AKAP7: variants seen among roughly 807,000 people sequenced by gnomAD.
AKAP7 encodes the protein A-kinase anchoring protein 7.
In AKAP7, 39 loss-of-function variants were observed where a neutral mutation model predicts 39.5. The observed-to-expected ratio is 0.99, with a 90% CI of 0.76 to 1.29. The LOEUF (loss-of-function observed/expected upper bound fraction) is 1.29. Ranked by LOEUF, AKAP7 falls within the 50% of genes most tolerant of loss-of-function variation. The pLI is 0.00. For missense variants in AKAP7, 414 were observed against 407.7 expected, an observed-to-expected ratio of 1.02 and a Z score of -0.13; for synonymous variants, 140 against 139.1, an observed-to-expected ratio of 1.01 and a Z score of -0.05.
chr6:131,259,770 C>T (rs926868001), intron 7 of AKAP7, among the ~76,000 whole-genome samples: 31 of 151,896 alleles, frequency 2.0e-4, no homozygotes, highest in Admixed American at 2.0e-4. Flanking sequence ...TTTAAGTCAC[C>T]GAACAATTTA....
intron 5 of AKAP7, among the ~76,000 whole-genome samples, chr6:131,174,550 G>A (rs1804393505): frequency 6.6e-6 from 1 of 152,212 alleles, no homozygotes; most frequent in Non-Finnish European, 1.5e-5. Flanking sequence ...CCATGATTGT[G>A]CCACTACACT....
At chr6:131,212,687 G>C (rs1808785472) in intron 6 of AKAP7, among the ~76,000 whole-genome samples, 1 of 152,140 alleles carries the variant, frequency 6.6e-6, no homozygotes, top group Non-Finnish European at 1.5e-5. Context: ...GAATACTCCT[G>C]GGTAGTTAGG....
intron 7 of AKAP7, chr6:131,253,118 T>A: frequency 6.2e-7 from 1 of 1,610,798 alleles, no homozygotes; most frequent in Non-Finnish European, 8.5e-7. Context: ...AAGAGTCAAG[T>A]GACCCCTCCC....
At chr6:131,196,323 T>C (rs1043569821) in intron 5 of AKAP7, among the ~76,000 whole-genome samples, 1 of 146,166 alleles carries the variant, frequency 6.8e-6, no homozygotes, top group South Asian at 2.3e-4. Context: ...AGGAGTGCAA[T>C]GGTGCAATCT....
At chr6:131,148,195 C>G (rs1175141380) in intron 2 of AKAP7, among the ~76,000 whole-genome samples, 1 of 152,168 alleles carries the variant, frequency 6.6e-6, no homozygotes, top group African/African-American at 2.4e-5. Flanking sequence ...TCTATGTATA[C>G]TAGGGGCTCA....
chr6:131,241,637 A>ATATATATATATATGTGTG (rs1554217972), intron 7 of AKAP7, among the ~76,000 whole-genome samples: 9 of 78,812 alleles, frequency 1.1e-4, no homozygotes, highest in South Asian at 3.5e-4. Context: ...GTATATATAT[A>ATATATATATATATGTGTG]TGACAGTTAT....
intron 5 of AKAP7, among the ~76,000 whole-genome samples, chr6:131,194,406 A>T (rs9492858): frequency 0.024 from 3,609 of 152,100 alleles, 82 homozygotes; most frequent in African/African-American, 0.061. Context: ...GCTTGATATT[A>T]ATTTTAGTTT....
Position 131,271,612 on chromosome 6 carries a change from C to G in AKAP7, c.851-9918C>G, listed in dbSNP as rs1014326314. ...TTGCCCAGGCTGGAGTGCAGTAGTGCCGTCATAGTTCACTGCAGCCTTGAT... is the reference window on the plus strand; with the variant it reads ...TTGCCCAGGCTGGAGTGCAGTAGTGGCGTCATAGTTCACTGCAGCCTTGAT... On this transcript the variant is annotated intron_variant, in intron 7 of 7. Coordinates refer to ENST00000431975, the MANE Select transcript of AKAP7 (RefSeq NM_016377.4). Among the ~76,000 whole-genome samples the G allele has an allele frequency of 3.8e-4, 58 of 151,882 alleles. 1 individual carries two copies. Among genetic ancestry groups the G allele is most frequent in the Non-Finnish European group, 1.0e-4 (7 of 67,994 alleles).
At chr6:131,137,137 A>AT (rs113626298) in intron 1 of AKAP7, among the ~76,000 whole-genome samples, 5,168 of 144,938 alleles carry the variant, frequency 0.036, 136 homozygotes, top group Admixed American at 0.061. Context: ...TAATTTTTGT[A>AT]TTTTTTTTTT....
intron 7 of AKAP7, among the ~76,000 whole-genome samples, chr6:131,277,703 G>A (rs991953560): frequency 6.6e-6 from 1 of 152,142 alleles, no homozygotes; most frequent in African/African-American, 2.4e-5. Flanking sequence ...TTTTTGAATT[G>A]CTGCATTATT....
chr6:131,172,663 A>G (rs1203664404), intron 5 of AKAP7, among the ~76,000 whole-genome samples: 3 of 152,290 alleles, frequency 2.0e-5, no homozygotes, highest in East Asian at 1.9e-4. Flanking sequence ...AAGAGCGTCT[A>G]TTCCTCTCAC....
At chr6:131,145,892 G>A (rs1045618899) in intron 2 of AKAP7, among the ~76,000 whole-genome samples, 1 of 151,688 alleles carries the variant, frequency 6.6e-6, no homozygotes, top group Non-Finnish European at 1.5e-5. Flanking sequence ...TATATCTATT[G>A]GTATAATAAT....
chr6:131,168,410 A>G (rs1251427974), intron 4 of AKAP7, among the ~76,000 whole-genome samples: 1 of 151,246 alleles, frequency 6.6e-6, no homozygotes, highest in East Asian at 1.9e-4. Context: ...CCTGTCTGAA[A>G]AAAAGAAGAG....
chr6:131,135,438 G>A (rs1400415256), upstream of AKAP7, among the ~76,000 whole-genome samples: 1 of 151,048 alleles, frequency 6.6e-6, no homozygotes, highest in Non-Finnish European at 1.5e-5. Flanking sequence ...CCGAATCCGG[G>A]TACCACCGGC....
intron 1 of AKAP7, chr6:131,136,920 G>A (rs1800593362): frequency 1.0e-6 from 1 of 952,932 alleles, no homozygotes; most frequent in African/African-American, 1.8e-5. Flanking sequence ...TTGTTCTTAG[G>A]AATAAACTTA....
At chr6:131,153,559 T>C (rs1363854109) in intron 2 of AKAP7, among the ~76,000 whole-genome samples, 1 of 152,102 alleles carries the variant, frequency 6.6e-6, no homozygotes, top group Non-Finnish European at 1.5e-5. Context: ...AATGGATTTA[T>C]AGGATGTTTG....
At chr6:131,135,381 C>G (rs993404784), upstream of AKAP7, among the ~76,000 whole-genome samples, 2 of 152,206 alleles carry the variant, frequency 1.3e-5, no homozygotes, top group Non-Finnish European at 2.9e-5. Flanking sequence ...CCGCAGTCGC[C>G]GGCCCTAGTT....
intron 5 of AKAP7, chr6:131,185,054 A>C (rs1269363248): frequency 2.8e-6 from 2 of 717,932 alleles, no homozygotes; most frequent in Non-Finnish European, 5.3e-6. Context: ...TTGTCACAGG[A>C]AACTTGCCCA....
intron 7 of AKAP7, among the ~76,000 whole-genome samples, chr6:131,239,822 A>G (rs1811378303): frequency 6.6e-6 from 1 of 152,040 alleles, no homozygotes. Context: ...TCTTTTTTCA[A>G]GGTTTTTTAC....
Sources: gnomAD v4.1 joint callset for allele counts (sites outside exome capture counted in the v4.1 genomes callset) on GRCh38, gnomAD v4.1.1 for gene constraint, MANE v1.5 for transcripts, NCBI Gene and HGNC (gene_info 2026-07-23, HGNC 2026-07-21) for gene names.